Variants in SIPA1L3 observed in about 807,000 individuals in gnomAD.
SIPA1L3 encodes signal induced proliferation associated 1 like 3, also known as signal-induced proliferation-associated 1-like protein 3.
Under a neutral mutation model 150.1 loss-of-function variants are expected in SIPA1L3, and 59 were observed. The observed-to-expected ratio is 0.39, with a 90% CI of 0.32 to 0.49. The LOEUF is 0.49. Ranked by LOEUF, SIPA1L3 falls within the 20% of genes least tolerant of loss-of-function variation. SIPA1L3 has a pLI of 0.86. For missense variants in SIPA1L3, 2,211 were observed against 2,489.5 expected (o/e 0.89, Z 2.38); for synonymous variants, 1,070 against 1,077.6 (o/e 0.99, Z 0.14).
intron 1 of SIPA1L3, among the ~76,000 whole-genome samples, chr19:37,927,145 CTTT>C (rs34057465): frequency 2.3e-5 from 3 of 128,460 alleles, no homozygotes; most frequent in Admixed American, 8.8e-5. Flanking sequence ...TTTTCTTTTC[CTTT>C]TTTTTTTTTT....
intron 12 of SIPA1L3, among the ~76,000 whole-genome samples, chr19:38,146,162 C>G (rs1355647936): frequency 6.6e-6 from 1 of 152,220 alleles, no homozygotes; most frequent in Non-Finnish European, 1.5e-5. Flanking sequence ...CCACACCCAA[C>G]CTGTCTTTTA....
At chr19:38,057,128 A>G (rs1199003919) in intron 2 of SIPA1L3, among the ~76,000 whole-genome samples, 5 of 152,144 alleles carry the variant, frequency 3.3e-5, no homozygotes, top group Admixed American at 3.3e-4. Flanking sequence ...AAAATTAGTC[A>G]GGCATGGTAG....
At chr19:37,922,206 C>T (rs1342284060) in intron 1 of SIPA1L3, among the ~76,000 whole-genome samples, 1 of 152,150 alleles carries the variant, frequency 6.6e-6, no homozygotes, top group Non-Finnish European at 1.5e-5. Context: ...CTGCCTCAGC[C>T]TCCCTACTAG....
intron 2 of SIPA1L3, among the ~76,000 whole-genome samples, chr19:38,058,662 G>A (rs930146383): frequency 2.6e-5 from 4 of 152,180 alleles, no homozygotes; most frequent in African/African-American, 9.7e-5. Context: ...GCTATGGCAT[G>A]AGAGTGACTG....
Position 38,105,742 on chromosome 19 carries a change from G to A in SIPA1L3, c.2030-795G>A, listed in dbSNP as rs1027384013. Among the ~76,000 whole-genome samples, 9 of 152,246 alleles carry A rather than the reference G, an allele frequency of 5.9e-5. No homozygotes were observed. In the East Asian group the frequency reaches 1.2e-3, roughly 20 times the overall value. Reference sequence around the variant, plus strand: ...GAGGATTTCCCCATGCTGCAGCCGCGACTCATTCCTTTTCCTGGCTGTATA... The same window carrying A: ...GAGGATTTCCCCATGCTGCAGCCGCAACTCATTCCTTTTCCTGGCTGTATA... On this transcript the variant is annotated intron_variant, in intron 6 of 21. Coordinates refer to ENST00000222345, the MANE Select transcript of SIPA1L3 (RefSeq NM_015073.3).
At chr19:38,004,045 T>C (rs916399932) in intron 1 of SIPA1L3, among the ~76,000 whole-genome samples, 2 of 152,192 alleles carry the variant, frequency 1.3e-5, no homozygotes, top group Non-Finnish European at 2.9e-5. Flanking sequence ...GATTGCTCAC[T>C]GGGATTGGGA....
At chr19:38,124,972 G>A (rs1248742312) in intron 9 of SIPA1L3, among the ~76,000 whole-genome samples, 4 of 151,976 alleles carry the variant, frequency 2.6e-5, no homozygotes, top group Non-Finnish European at 2.9e-5. Flanking sequence ...GCTTCGGCTC[G>A]GGATCAGAGG....
At chr19:38,173,386 G>T (rs1260492673) in intron 15 of SIPA1L3, among the ~76,000 whole-genome samples, 1 of 152,260 alleles carries the variant, frequency 6.6e-6, no homozygotes, top group Admixed American at 6.5e-5. Flanking sequence ...CCAGCTGCCA[G>T]GCATGCTGCC....
intron 18 of SIPA1L3, among the ~76,000 whole-genome samples, chr19:38,197,685 A>G (rs1446292036): frequency 6.6e-6 from 1 of 151,516 alleles, no homozygotes; most frequent in Admixed American, 6.6e-5. Context: ...CAGAGCCGCA[A>G]TCCTGGCCCT....
intron 6 of SIPA1L3, among the ~76,000 whole-genome samples, chr19:38,104,204 GGT>G (rs1297656996): frequency 1.3e-5 from 2 of 152,212 alleles, no homozygotes; most frequent in Non-Finnish European, 2.9e-5. Flanking sequence ...AGAGAAGTGA[GGT>G]GTTAGGCAGG....
chr19:37,914,624 G>C (rs2046401655), intron 1 of SIPA1L3, among the ~76,000 whole-genome samples: 1 of 152,088 alleles, frequency 6.6e-6, no homozygotes, highest in African/African-American at 2.4e-5. Flanking sequence ...TGATCTGCCT[G>C]CTTCAGCCTC....
intron 19 of SIPA1L3, chr19:38,200,892 A>T (rs964241187): frequency 2.6e-5 from 4 of 151,628 alleles, no homozygotes; most frequent in Non-Finnish European, 5.9e-5. Flanking sequence ...GCGCCATCGC[A>T]CTCCAGCCTG....
At chr19:38,004,680 T>C (rs1967894988) in intron 1 of SIPA1L3, among the ~76,000 whole-genome samples, 1 of 152,192 alleles carries the variant, frequency 6.6e-6, no homozygotes, top group Non-Finnish European at 1.5e-5. Context: ...GCACTGGTCA[T>C]GTGATCTTCC....
intron 1 of SIPA1L3, among the ~76,000 whole-genome samples, chr19:37,987,343 C>T (rs939427804): frequency 6.6e-6 from 1 of 152,166 alleles, no homozygotes; most frequent in African/African-American, 2.4e-5. Context: ...ATCTGGGACA[C>T]GCACTTTGAA....
At chr19:38,071,856 C>T (rs903745999) in intron 2 of SIPA1L3, among the ~76,000 whole-genome samples, 3 of 152,176 alleles carry the variant, frequency 2.0e-5, no homozygotes, top group Non-Finnish European at 2.9e-5. Context: ...TAGCTCATCC[C>T]GCCTGTCCCA....
chr19:38,150,311 T>C (rs1971790872), intron 12 of SIPA1L3, among the ~76,000 whole-genome samples: 1 of 152,024 alleles, frequency 6.6e-6, no homozygotes. Flanking sequence ...TTGAAACACC[T>C]CTCTACTGTG....
Position 38,163,549 on chromosome 19 carries a change from GGAT to G in SIPA1L3, c.3781-925_3781-923del, listed in dbSNP as rs1972140748. 2.0e-5 allele frequency among the ~76,000 whole-genome samples: 3 copies of G among 150,956 alleles called. No homozygotes were observed. In the South Asian group the frequency reaches 6.3e-4, roughly 32 times the overall value. On this transcript the variant is annotated intron_variant, in intron 14 of 21. Transcript: ENST00000222345. ...GAGAGTGACAAGCACTGCAGCTCAAGGATGATGTGGTCAGAGAGGGCCTTTGAG... is the reference window on the plus strand; with the variant it reads ...GAGAGTGACAAGCACTGCAGCTCAAGGATGTGGTCAGAGAGGGCCTTTGAG...
At chr19:38,144,871 A>G (rs1971671646) in intron 12 of SIPA1L3, among the ~76,000 whole-genome samples, 1 of 152,234 alleles carries the variant, frequency 6.6e-6, no homozygotes, top group African/African-American at 2.4e-5. Flanking sequence ...GGAGGAGGTG[A>G]CATCTGAACA....
intron 18 of SIPA1L3, among the ~76,000 whole-genome samples, chr19:38,197,194 C>T (rs1238532749): frequency 1.3e-5 from 2 of 152,056 alleles, no homozygotes; most frequent in African/African-American, 2.4e-5. Context: ...GAGGAGGTGC[C>T]GGGAATGCAG....
Sources: allele counts gnomAD v4.1 joint callset (sites outside exome capture counted in the v4.1 genomes callset), GRCh38; gene constraint gnomAD v4.1.1; transcripts MANE v1.5; gene names NCBI Gene and HGNC (gene_info 2026-07-23, HGNC 2026-07-21).